The following GTF2A1L variants were observed in gnomAD, a reference collection of about 807,000 sequenced individuals.
The protein encoded by GTF2A1L is TFIIA-alpha and beta-like factor.
A neutral mutation model predicts 49.7 loss-of-function variants in GTF2A1L; 48 were observed. That is an observed-to-expected ratio of 0.97 (90% confidence interval 0.77 to 1.23). GTF2A1L has a LOEUF of 1.23. Among genes scored for constraint, GTF2A1L ranks in the 50% most tolerant of loss-of-function variants. The pLI, the probability that GTF2A1L is intolerant of heterozygous loss-of-function variation, is 0.00. For missense variants in GTF2A1L, 736 were observed against 564.8 expected, an observed-to-expected ratio of 1.30 and a Z score of -3.07; for synonymous variants, 246 against 193.5, an observed-to-expected ratio of 1.27 and a Z score of -2.25.
In GTF2A1L at chr2:48,625,877, C is replaced by G. The variant is rs988255568; in HGVS notation, c.247+4587C>G. Among the ~76,000 whole-genome samples the G allele has an allele frequency of 3.5e-5, 5 of 144,110 alleles. 1 individual carries two copies. Among genetic ancestry groups the G allele is most frequent in the African/African-American group, 1.2e-4 (5 of 40,524 alleles). 94.5% of individuals were successfully genotyped at this position (144,110 alleles called of 152,430 possible). ...GGATTACAGATGTGAGCGACTGTGC[C>G]TGGCTTATTTATTTTCGCTTTTGTA... On this transcript the variant is annotated intron_variant, in intron 3 of 8. Coordinates refer to ENST00000403751, the MANE Select transcript of GTF2A1L (RefSeq NM_006872.5).
chr2:48,631,068 C>T (rs1472811002), intron 3 of GTF2A1L, among the ~76,000 whole-genome samples: 3 of 152,056 alleles, frequency 2.0e-5, no homozygotes, highest in East Asian at 1.9e-4. Flanking sequence ...GGGATGTTGG[C>T]CTATACTTTT....
Position 48,642,367 on chromosome 2 carries a change from C to G in GTF2A1L, c.248-35C>G, listed in dbSNP as rs1677247110. ...AGTGATTTTATTAAATTGGTAAATT[C>G]TAATGAATGTATATTTATTTTGTTT... On this transcript the variant is annotated intron_variant, in intron 3 of 8. Coordinates refer to ENST00000403751, the MANE Select transcript of GTF2A1L (RefSeq NM_006872.5). 6.6e-6 allele frequency: 10 copies of G among 1,518,316 alleles called. No individual in the cohort carries two copies. The South Asian group carries it at 1.2e-4, about 19-fold the overall frequency. The allele number at this position is 1,518,316 out of a possible 1,614,324, so 94.1% of individuals were successfully genotyped here.
intron 3 of GTF2A1L, among the ~76,000 whole-genome samples, chr2:48,635,754 G>C (rs977033690): frequency 6.6e-6 from 1 of 152,074 alleles, no homozygotes; most frequent in African/African-American, 2.4e-5. Flanking sequence ...TGGCCATGCA[G>C]CTGGGTTACC....
At chr2:48,678,352 G>C (rs1383554347) in intron 8 of GTF2A1L, among the ~76,000 whole-genome samples, 1 of 151,802 alleles carries the variant, frequency 6.6e-6, no homozygotes, top group African/African-American at 2.4e-5. Flanking sequence ...GACAATTTGG[G>C]AATAAAACTC....
Position 48,667,468 on chromosome 2 carries a change from G to T in GTF2A1L, c.979-2254G>T, listed in dbSNP as rs777350186. 1.1e-3 allele frequency among the ~76,000 whole-genome samples: 172 copies of T among 152,158 alleles called. 1 individual carries two copies. The highest frequency in any genetic ancestry group is 1.5e-3 in the Non-Finnish European group (100 of 68,030). ...CCAGCTTTTGTTCATTGTTAGTATGGTAGTGGCATTCTTTTCAGCTTTTAC... is the reference window on the plus strand; with the variant it reads ...CCAGCTTTTGTTCATTGTTAGTATGTTAGTGGCATTCTTTTCAGCTTTTAC... On this transcript the variant is annotated intron_variant, in intron 6 of 8. Coordinates refer to ENST00000403751, the MANE Select transcript of GTF2A1L (RefSeq NM_006872.5).
At chr2:48,637,789 T>A (rs565301335) in intron 3 of GTF2A1L, among the ~76,000 whole-genome samples, 19 of 152,184 alleles carry the variant, frequency 1.2e-4, no homozygotes, top group African/African-American at 4.3e-4. Context: ...ATGTTACCAC[T>A]GACCCCACAG....
chr2:48,632,098 G>A (rs138477546), intron 3 of GTF2A1L, among the ~76,000 whole-genome samples: 3 of 152,258 alleles, frequency 2.0e-5, no homozygotes, highest in East Asian at 3.9e-4. Flanking sequence ...TGATAAAAAT[G>A]TATAAGGCTC....
chr2:48,655,266 T>C (rs1013222950), intron 6 of GTF2A1L, among the ~76,000 whole-genome samples: 1 of 152,160 alleles, frequency 6.6e-6, no homozygotes, highest in African/African-American at 2.4e-5. Context: ...AAATGGTACC[T>C]AAAACTGCCA....
At chr2:48,661,893 G>A (rs941239901) in intron 6 of GTF2A1L, among the ~76,000 whole-genome samples, 10 of 151,944 alleles carry the variant, frequency 6.6e-5, no homozygotes, top group Non-Finnish European at 1.2e-4. Flanking sequence ...ATTCATTTGC[G>A]TTTAGAGTAA....
intron 1 of GTF2A1L, 65 bp downstream of exon 1, chr2:48,617,960 A>G (rs1675755663): frequency 1.3e-6 from 2 of 1,481,904 alleles, no homozygotes; most frequent in African/African-American, 1.4e-5. Flanking sequence ...CGGCAGCCGA[A>G]CCCTGCACCT....
At chr2:48,663,652 A>T (rs1678646303) in intron 6 of GTF2A1L, among the ~76,000 whole-genome samples, 1 of 152,158 alleles carries the variant, frequency 6.6e-6, no homozygotes, top group African/African-American at 2.4e-5. Context: ...TTTTATTTTT[A>T]TATTTTGAGA....
intron 3 of GTF2A1L, among the ~76,000 whole-genome samples, chr2:48,624,329 A>G (rs1449489134): frequency 6.9e-6 from 1 of 144,680 alleles, no homozygotes; most frequent in African/African-American, 2.5e-5. Flanking sequence ...TCGAGAACAA[A>G]AATATTTAGT....
chr2:48,619,002 A>G (rs976802883), intron 1 of GTF2A1L, among the ~76,000 whole-genome samples: 2 of 152,184 alleles, frequency 1.3e-5, no homozygotes, highest in Admixed American at 6.5e-5. Context: ...CTGAAGCATC[A>G]ATTTAGTATG....
intron 8 of GTF2A1L, among the ~76,000 whole-genome samples, chr2:48,678,783 T>C (rs1018612076): frequency 1.3e-5 from 2 of 152,024 alleles, no homozygotes; most frequent in African/African-American, 4.8e-5. Flanking sequence ...TCTGATAATA[T>C]TGGCTACATC....
chr2:48,672,327 T>C (rs962776095), intron 8 of GTF2A1L, among the ~76,000 whole-genome samples: 2 of 152,150 alleles, frequency 1.3e-5, no homozygotes, highest in South Asian at 2.1e-4. Context: ...TACTAGGAAG[T>C]GAAGCTGGGT....
In GTF2A1L at chr2:48,640,779, T is replaced by C. The variant is rs539915882; in HGVS notation, c.248-1623T>C. On this transcript the variant is annotated intron_variant, in intron 3 of 8. Coordinates refer to ENST00000403751, the MANE Select transcript of GTF2A1L (RefSeq NM_006872.5). ...AGTTTGAGTAAAAATATATACTCAT[T>C]TAAAACTTACTTTGTTATTAAAACC... Among the ~76,000 whole-genome samples the C allele has an allele frequency of 2.3e-3, 349 of 152,302 alleles. 6 individuals carry two copies. The highest frequency in any genetic ancestry group is 3.4e-3 in the Middle Eastern group (1 of 294).
chr2:48,671,579 T>A lies in GTF2A1L; in HGVS notation c.1240-12T>A. ...CATAAAATTCCTTAATGTGATCATC[T>A]TTCGTCTTTAGGACCCTTTAAATTC... On this transcript the variant is annotated splice_polypyrimidine_tract_variant and intron_variant, in intron 7 of 8. Coordinates refer to ENST00000403751, the MANE Select transcript of GTF2A1L (RefSeq NM_006872.5). 1 of 1,610,338 alleles carries A rather than the reference T, an allele frequency of 6.2e-7. No homozygotes were observed. Among genetic ancestry groups the A allele is most frequent in the Non-Finnish European group, 8.5e-7 (1 of 1,178,686 alleles).
intron 8 of GTF2A1L, 71 bp downstream of exon 8, chr2:48,671,751 G>C (rs1396221099): frequency 7.2e-7 from 1 of 1,381,784 alleles, no homozygotes; most frequent in African/African-American, 1.4e-5. Flanking sequence ...TAAAATGATG[G>C]GAAATAAGAT....
intron 1 of GTF2A1L, among the ~76,000 whole-genome samples, chr2:48,619,508 C>T (rs17037466): frequency 0.016 from 2,482 of 151,304 alleles, 69 homozygotes; most frequent in African/African-American, 0.057. Flanking sequence ...AAAAAAAGCA[C>T]AGCTACTCTT....
Sources: gnomAD v4.1 joint callset for allele counts (sites outside exome capture counted in the v4.1 genomes callset) on GRCh38, gnomAD v4.1.1 for gene constraint, MANE v1.5 for transcripts, NCBI Gene and HGNC (gene_info 2026-07-23, HGNC 2026-07-21) for gene names.